CNTNAP5: variants seen among roughly 807,000 people sequenced by gnomAD.
CNTNAP5 encodes contactin-associated protein-like 5.
Under a neutral mutation model 150.2 loss-of-function variants are expected in CNTNAP5, and 72 were observed. That is an observed-to-expected ratio of 0.48 (90% CI 0.40 to 0.58). CNTNAP5 has a LOEUF of 0.58. Ranked by LOEUF, CNTNAP5 falls within the 20% of genes least tolerant of loss-of-function variation. The pLI, the probability that CNTNAP5 is intolerant of heterozygous loss-of-function variation, is 0.00. For synonymous variants in CNTNAP5, 672 were observed against 619.8 expected (o/e 1.08, Z -1.25); for missense variants, 1,636 against 1,626.2 (o/e 1.01, Z -0.10).
At chr2:124,795,663 A>C (rs1573622605) in intron 18 of CNTNAP5, among the ~76,000 whole-genome samples, 1 of 152,054 alleles carries the variant, frequency 6.6e-6, no homozygotes, top group Non-Finnish European at 1.5e-5. Context: ...TATTACAAGC[A>C]CCTGCCAACA....
intron 13 of CNTNAP5, among the ~76,000 whole-genome samples, chr2:124,650,296 G>T (rs896449368): frequency 6.6e-6 from 1 of 152,186 alleles, no homozygotes; most frequent in African/African-American, 2.4e-5. Context: ...GACACTGCTT[G>T]TGGGGCAAGA....
intron 3 of CNTNAP5, among the ~76,000 whole-genome samples, chr2:124,296,538 C>A (rs1371885676): frequency 6.6e-6 from 1 of 152,152 alleles, no homozygotes; most frequent in Non-Finnish European, 1.5e-5. Context: ...ACACTCCCAT[C>A]TTTTCCTGTC....
chr2:124,662,072 A>G lies in CNTNAP5; in HGVS notation c.2077+14114A>G, dbSNP rs566636731. Among the ~76,000 whole-genome samples the G allele has an allele frequency of 1.4e-4, 22 of 151,810 alleles. No individual in the cohort carries two copies. In the East Asian group the frequency reaches 2.3e-3, roughly 16 times the overall value. On this transcript the variant is annotated intron_variant, in intron 13 of 23. Coordinates refer to ENST00000682447, the MANE Select transcript of CNTNAP5 (RefSeq NM_001367498.1). Reference sequence around the variant, plus strand: ...TGTGTCCATGTGTTCTCATTGTTCAACTCCCACTTATGAGTGAGAACATGC... The same window carrying G: ...TGTGTCCATGTGTTCTCATTGTTCAGCTCCCACTTATGAGTGAGAACATGC...
chr2:124,303,129 C>A (rs1311958859), intron 3 of CNTNAP5, among the ~76,000 whole-genome samples: 2 of 152,026 alleles, frequency 1.3e-5, no homozygotes, highest in Non-Finnish European at 2.9e-5. Context: ...GTGGAAACAC[C>A]CTCACTCCTT....
Position 124,910,106 on chromosome 2 carries a change from CT to C in CNTNAP5, c.3656-1360del, listed in dbSNP as rs1401212456. Among the ~76,000 whole-genome samples the C allele has an allele frequency of 4.6e-5, 7 of 151,928 alleles. No individual in the cohort carries two copies. In the East Asian group the frequency reaches 1.4e-3, roughly 30 times the overall value. On this transcript the variant is annotated intron_variant, in intron 22 of 23. Transcript: ENST00000682447. ...CAAGAGTCCTAGGAAAAGGCCACCC[CT>C]GGACACCACAAATGGCATAAACTAC...
intron 13 of CNTNAP5, among the ~76,000 whole-genome samples, chr2:124,665,858 C>T (rs1038643932): frequency 6.7e-6 from 1 of 150,164 alleles, no homozygotes; most frequent in Non-Finnish European, 1.5e-5. Context: ...TGCACTCCGG[C>T]CTGGGCGACA....
intron 17 of CNTNAP5, among the ~76,000 whole-genome samples, chr2:124,773,909 C>CGT (rs55795835): frequency 4.0e-4 from 53 of 132,108 alleles, no homozygotes; most frequent in African/African-American, 1.2e-3. Context: ...TAAGGGAGTG[C>CGT]GTGTGTGTGT....
At chr2:124,115,289 C>G (rs1683398360) in intron 1 of CNTNAP5, among the ~76,000 whole-genome samples, 1 of 152,104 alleles carries the variant, frequency 6.6e-6, no homozygotes, top group Non-Finnish European at 1.5e-5. Flanking sequence ...TCATAGCAAT[C>G]TCATAAACCA....
In CNTNAP5 at chr2:124,918,649, T is replaced by C. The variant is rs1162059886; in HGVS notation, c.*4361T>C. Among the ~76,000 whole-genome samples, 5 of 152,084 alleles carry C rather than the reference T, an allele frequency of 3.3e-5. No homozygotes were observed. The highest frequency in any genetic ancestry group is 7.4e-5 in the Non-Finnish European group (5 of 67,994). On this transcript the variant is annotated 3_prime_UTR_variant, in exon 24 of 24. Transcript: ENST00000682447. The stretch of plus-strand genomic sequence containing the variant: ...AGCTTCCTTTAAGCTTCCCCATAGC[T>C]ACCATCCATCAAAACCTCATTGCAG...
At chr2:124,653,911 A>ACCCCCCCCCCCCCCCCCCCCCCCC (rs70996088) in intron 13 of CNTNAP5, among the ~76,000 whole-genome samples, 3 of 57,480 alleles carry the variant, frequency 5.2e-5, no homozygotes, top group African/African-American at 6.6e-5. Context: ...ACTGCCCCCA[A>ACCCCCCCCCCCCCCCCCCCCCCCC]CCCCCCCCCC....
chr2:124,128,564 T>G (rs556236115), intron 1 of CNTNAP5, among the ~76,000 whole-genome samples: 98 of 152,292 alleles, frequency 6.4e-4, no homozygotes, highest in Admixed American at 9.1e-4. Context: ...TTACTGGGTA[T>G]ATACCCAAAG....
At chr2:124,891,264 G>A (rs1678189506) in intron 21 of CNTNAP5, among the ~76,000 whole-genome samples, 1 of 152,084 alleles carries the variant, frequency 6.6e-6, no homozygotes, top group Admixed American at 6.6e-5. Context: ...GCTGAGCTCA[G>A]TTGGCCTTTC....
intron 3 of CNTNAP5, among the ~76,000 whole-genome samples, chr2:124,264,389 TACACACACACACACACAC>T (rs200429155): frequency 7.9e-6 from 1 of 126,552 alleles, no homozygotes; most frequent in African/African-American, 2.8e-5. Flanking sequence ...CACACACACA[TACACACACACACACACAC>T]ACACACACAC....
intron 19 of CNTNAP5, among the ~76,000 whole-genome samples, chr2:124,815,859 G>A (rs576755116): frequency 2.0e-5 from 3 of 152,192 alleles, no homozygotes; most frequent in South Asian, 4.1e-4. Context: ...GCTGGGACAC[G>A]ATATTCAACT....
intron 21 of CNTNAP5, among the ~76,000 whole-genome samples, chr2:124,893,745 C>T (rs1678248417): frequency 6.6e-6 from 1 of 152,038 alleles, no homozygotes; most frequent in African/African-American, 2.4e-5. Context: ...TGGGACCATT[C>T]TTTTTTTAGG....
intron 1 of CNTNAP5, among the ~76,000 whole-genome samples, chr2:124,062,270 A>G (rs1682029926): frequency 6.6e-6 from 1 of 152,136 alleles, no homozygotes. Context: ...TCCTTTCCAT[A>G]TATTCCTTGC....
intron 1 of CNTNAP5, among the ~76,000 whole-genome samples, chr2:124,093,389 A>G (rs1682858899): frequency 6.6e-6 from 1 of 152,236 alleles, no homozygotes; most frequent in African/African-American, 2.4e-5. Flanking sequence ...AGCAGTTACT[A>G]TTATGATTGC....
intron 1 of CNTNAP5, among the ~76,000 whole-genome samples, chr2:124,064,102 G>A (rs796594804): frequency 2.6e-5 from 4 of 152,248 alleles, no homozygotes; most frequent in African/African-American, 9.6e-5. Flanking sequence ...AATCTCTGAT[G>A]ACACAATGCA....
chr2:124,116,680 G>A (rs189661333), intron 1 of CNTNAP5, among the ~76,000 whole-genome samples: 1 of 152,278 alleles, frequency 6.6e-6, no homozygotes, highest in East Asian at 1.9e-4. Context: ...AGAAATGTGG[G>A]TCATGTTTTT....
Sources: gnomAD v4.1 joint callset for allele counts (sites outside exome capture counted in the v4.1 genomes callset) on GRCh38, gnomAD v4.1.1 for gene constraint, MANE v1.5 for transcripts, NCBI Gene and HGNC (gene_info 2026-07-23, HGNC 2026-07-21) for gene names.